DHX32: variants seen among roughly 807,000 people sequenced by gnomAD.
DHX32 encodes DEAH-box helicase 32 (putative).
In DHX32, 51 loss-of-function variants were observed where a neutral mutation model predicts 70.0. The observed-to-expected ratio is 0.73, with a 90% CI of 0.58 to 0.92. The LOEUF is 0.92. DHX32 is among the 40% of genes least tolerant of loss of function. DHX32 has a pLI of 0.00. For missense variants in DHX32, 762 were observed against 891.8 expected (o/e 0.85, Z 1.85); for synonymous variants, 310 against 315.3 (o/e 0.98, Z 0.18).
chr10:125,889,457 T>C (rs78438878), intron 1 of DHX32, among the ~76,000 whole-genome samples: 2 of 152,232 alleles, frequency 1.3e-5, no homozygotes, highest in African/African-American at 2.4e-5. Context: ...GCGGGATCAC[T>C]GGTCCAACAC....
intron 4 of DHX32, 44 bp from the exon 5 acceptor site, chr10:125,852,686 A>T: frequency 6.5e-7 from 1 of 1,538,484 alleles, no homozygotes; most frequent in East Asian, 2.3e-5. Flanking sequence ...ATAAGTCATG[A>T]TTCAGTAGGC....
At chr10:125,844,247 A>G (rs1354021270) in intron 6 of DHX32, among the ~76,000 whole-genome samples, 3 of 152,264 alleles carry the variant, frequency 2.0e-5, no homozygotes, top group Non-Finnish European at 4.4e-5. Flanking sequence ...TAAACAGAGC[A>G]GGAAGGGGCT....
intron 2 of DHX32, among the ~76,000 whole-genome samples, chr10:125,860,819 A>G (rs1389082957): frequency 7.3e-6 from 1 of 136,728 alleles, no homozygotes; most frequent in Non-Finnish European, 1.5e-5. Context: ...GCAGTGGCGC[A>G]ATCTCGGCTC....
intron 1 of DHX32, among the ~76,000 whole-genome samples, chr10:125,895,242 G>C (rs137931693): frequency 6.6e-6 from 1 of 152,042 alleles, no homozygotes. Flanking sequence ...ATTCTCCTTA[G>C]TGTCCTTGTC....
At chr10:125,858,580 C>T (rs1944162846) in intron 3 of DHX32, among the ~76,000 whole-genome samples, 3 of 152,180 alleles carry the variant, frequency 2.0e-5, no homozygotes, top group Admixed American at 2.0e-4. Flanking sequence ...ATAAATACTT[C>T]TGAAAGTGTT....
chr10:125,888,229 G>A (rs77657114), intron 1 of DHX32, among the ~76,000 whole-genome samples: 13 of 147,558 alleles, frequency 8.8e-5, no homozygotes, highest in Admixed American at 3.4e-4. Context: ...TTAAAGACAG[G>A]GTCTTACTCC....
chr10:125,859,053 T>TTG (rs1944167516), intron 3 of DHX32, among the ~76,000 whole-genome samples: 4 of 147,204 alleles, frequency 2.7e-5, no homozygotes, highest in Non-Finnish European at 4.5e-5. Flanking sequence ...TTGTTTTTTT[T>TTG]TTTTTTTTTT....
At chr10:125,860,138 T>C (rs1474588327) in intron 2 of DHX32, among the ~76,000 whole-genome samples, 163 bp from the exon 3 acceptor site, 2 of 152,180 alleles carry the variant, frequency 1.3e-5, no homozygotes, top group Non-Finnish European at 2.9e-5. Flanking sequence ...TACAGAATTA[T>C]AGCACAAAAA....
chr10:125,844,101 A>G (rs775733317), intron 6 of DHX32, among the ~76,000 whole-genome samples: 32 of 152,190 alleles, frequency 2.1e-4, no homozygotes, highest in Non-Finnish European at 5.9e-5. Flanking sequence ...GACCTTGAGA[A>G]ATCACAATCA....
At chr10:125,862,395 T>C (rs1589713242) in intron 2 of DHX32, among the ~76,000 whole-genome samples, 1 of 152,164 alleles carries the variant, frequency 6.6e-6, no homozygotes, top group East Asian at 1.9e-4. Context: ...TATTATACTT[T>C]GTGCAAGATG....
chr10:125,867,433 A>G (rs918445112), intron 1 of DHX32, among the ~76,000 whole-genome samples: 3 of 152,214 alleles, frequency 2.0e-5, no homozygotes, highest in South Asian at 2.1e-4. Context: ...AGACAAAAAA[A>G]GGCAGATAAA....
chr10:125,841,183 C>T, intron 7 of DHX32, 187 bp from the exon 8 acceptor site: 1 of 1,399,438 alleles, frequency 7.1e-7, no homozygotes, highest in South Asian at 1.2e-5. Flanking sequence ...TTCTCCCTCT[C>T]CTTTTGTGTG....
intron 7 of DHX32, chr10:125,841,417 A>G: frequency 6.3e-7 from 1 of 1,593,436 alleles, no homozygotes; most frequent in Non-Finnish European, 8.6e-7. Context: ...ACAGGCACAC[A>G]ACATTATTTG....
In DHX32 at chr10:125,895,612, C is replaced by T. The variant is rs566911935; in HGVS notation, c.-248+606G>A. On this transcript the variant is annotated intron_variant, in intron 1 of 2. Coordinates refer to the DHX32 transcript ENST00000415732. ...ACCCTGAATCACTGTGTTTTAAAACCAGTATGAAAGACTATTGTGTGGGAT... is the reference window on the plus strand; with the variant it reads ...ACCCTGAATCACTGTGTTTTAAAACTAGTATGAAAGACTATTGTGTGGGAT... Among the ~76,000 whole-genome samples the T allele has an allele frequency of 1.4e-4, 22 of 152,374 alleles. No homozygotes were observed. In the East Asian group the frequency reaches 4.2e-3, roughly 29 times the overall value.
intron 1 of DHX32, among the ~76,000 whole-genome samples, chr10:125,875,937 G>T (rs1450960059): frequency 1.3e-5 from 2 of 152,156 alleles, no homozygotes; most frequent in African/African-American, 2.4e-5. Context: ...CCAAGATGTA[G>T]GTGTAGTTAA....
chr10:125,873,988 G>A (rs1022457207), intron 1 of DHX32, among the ~76,000 whole-genome samples: 1 of 152,068 alleles, frequency 6.6e-6, no homozygotes, highest in Non-Finnish European at 1.5e-5. Context: ...GAAATTTCAG[G>A]ACAAAAACTA....
Position 125,874,919 on chromosome 10 carries a change from G to A in DHX32, c.282+5624C>T, listed in dbSNP as rs1944275711. 2.0e-5 allele frequency among the ~76,000 whole-genome samples: 3 copies of A among 152,252 alleles called. No individual in the cohort carries two copies. The South Asian group carries it at 6.2e-4, about 32-fold the overall frequency. ...CATTTATTTCCTTGTTGTGTCCACT[G>A]AGATGGCCTAAAAGCAATGATAGGC... On this transcript the variant is annotated intron_variant, in intron 1 of 10. Transcript: ENST00000284690.
At chr10:125,838,956 G>A (rs1336589782) in intron 9 of DHX32, 45 bp downstream of exon 9, 1 of 1,562,242 alleles carries the variant, frequency 6.4e-7, no homozygotes. Flanking sequence ...CTGAGTATGT[G>A]CAATTCAGCA....
intron 1 of DHX32, among the ~76,000 whole-genome samples, chr10:125,878,598 G>A (rs189963543): frequency 5.9e-4 from 90 of 151,842 alleles, no homozygotes; most frequent in African/African-American, 2.0e-3. Flanking sequence ...CTGTTAATTT[G>A]TCTTTTGTTA....
Sources: gnomAD v4.1 joint callset for allele counts (sites outside exome capture counted in the v4.1 genomes callset) on GRCh38, gnomAD v4.1.1 for gene constraint, MANE v1.5 for transcripts, NCBI Gene and HGNC (gene_info 2026-07-23, HGNC 2026-07-21) for gene names.